SORBS2: variants seen among roughly 807,000 people sequenced by gnomAD.
The protein encoded by SORBS2 is sorbin and SH3 domain containing 2.
A neutral mutation model predicts 97.7 loss-of-function variants in SORBS2; 46 were observed. The observed-to-expected ratio is 0.47, with a 90% CI of 0.37 to 0.60. The LOEUF (loss-of-function observed/expected upper bound fraction) is 0.60. Ranked by LOEUF, SORBS2 falls within the 20% of genes least tolerant of loss-of-function variation. The probability of loss-of-function intolerance (pLI) is 0.00; values close to 1 mark genes in which losing one functional copy is unlikely to be tolerated. For missense variants in SORBS2, 1,316 were observed against 1,282.3 expected (o/e 1.03, Z -0.40); for synonymous variants, 476 against 473.4 (o/e 1.01, Z -0.07).
intron 2 of SORBS2, among the ~76,000 whole-genome samples, chr4:185,712,815 G>A (rs1349738536): frequency 1.3e-5 from 2 of 152,148 alleles, no homozygotes; most frequent in Non-Finnish European, 2.9e-5. Flanking sequence ...AGTAAATGAG[G>A]CACCCCCCTC....
intron 1 of SORBS2, among the ~76,000 whole-genome samples, chr4:185,924,931 G>C (rs2099262860): frequency 6.6e-6 from 1 of 152,082 alleles, no homozygotes; most frequent in African/African-American, 2.4e-5. Flanking sequence ...CAAGAACCCT[G>C]GTGTTCCTCC....
At chr4:185,890,098 G>C (rs2099241697) in intron 1 of SORBS2, among the ~76,000 whole-genome samples, 2 of 152,148 alleles carry the variant, frequency 1.3e-5, no homozygotes, top group African/African-American at 4.8e-5. Context: ...TGTTGGCCAG[G>C]CTGGTCTTGA....
chr4:185,918,764 G>A (rs2099259543), intron 1 of SORBS2, among the ~76,000 whole-genome samples: 1 of 152,208 alleles, frequency 6.6e-6, no homozygotes, highest in African/African-American at 2.4e-5. Flanking sequence ...AACTCTCACT[G>A]AAGAAGTGTT....
intron 2 of SORBS2, among the ~76,000 whole-genome samples, chr4:185,731,334 A>T (rs1290745861): frequency 6.6e-6 from 1 of 152,152 alleles, no homozygotes; most frequent in Non-Finnish European, 1.5e-5. Context: ...TTGCCAAAAT[A>T]TTTATAAAAT....
intron 2 of SORBS2, among the ~76,000 whole-genome samples, chr4:185,706,972 G>T (rs970002421): frequency 6.6e-6 from 1 of 152,054 alleles, no homozygotes. Flanking sequence ...TCATAAACAC[G>T]TATGTACATG....
In SORBS2 at chr4:185,623,266, C is replaced by CTT; in HGVS notation, c.1862_1863insAA (p.Thr622ArgfsTer59). 1 of 1,614,152 alleles carries CTT rather than the reference C, an allele frequency of 6.2e-7. No homozygotes were observed. The highest frequency in any genetic ancestry group is 8.5e-7 in the Non-Finnish European group (1 of 1,180,038). On this transcript the variant is annotated frameshift_variant, in exon 7 of 15. Transcript: ENST00000418609. LOFTEE classifies it high-confidence loss of function. This position sits in a 1 kb window ranked among gnomAD's most constrained non-coding sequence, Gnocchi z 6.4. ...ATGCTTTACATTTTGCCTTTTCAGT[C>CTT]TGTTTCTTAGGAGCCGAATTTTTTT...
intron 1 of SORBS2, among the ~76,000 whole-genome samples, chr4:185,954,949 T>C (rs889570147): frequency 1.3e-5 from 2 of 152,088 alleles, no homozygotes; most frequent in African/African-American, 4.8e-5. Flanking sequence ...TAAAACTCCA[T>C]CTCAAAAACA....
At chr4:185,894,496 T>C (rs1479212845) in intron 1 of SORBS2, 2 of 152,176 alleles carry the variant, frequency 1.3e-5, no homozygotes, top group Admixed American at 1.3e-4. Flanking sequence ...AATCTCCAGT[T>C]CCTTTTAAGA....
chr4:185,896,454 C>G (rs1273396226), intron 1 of SORBS2, among the ~76,000 whole-genome samples: 1 of 152,080 alleles, frequency 6.6e-6, no homozygotes, highest in Admixed American at 6.5e-5. Flanking sequence ...TTTGTTGGTG[C>G]ACGCCTGTAA....
At chr4:185,857,299 A>G (rs903972207) in intron 1 of SORBS2, among the ~76,000 whole-genome samples, 6 of 152,224 alleles carry the variant, frequency 3.9e-5, no homozygotes, top group Admixed American at 3.3e-4. Flanking sequence ...TTTCATGGAC[A>G]CTTATCACTT....
intron 6 of SORBS2, 153 bp downstream of exon 18, chr4:185,626,679 T>C: frequency 1.3e-6 from 1 of 741,774 alleles, no homozygotes; most frequent in Non-Finnish European, 2.2e-6. Flanking sequence ...TCAGTCTGGG[T>C]GGGAAGAAGG....
chr4:185,694,711 C>CTTTTTTTT (rs1561960485), intron 2 of SORBS2, among the ~76,000 whole-genome samples: 1 of 133,472 alleles, frequency 7.5e-6, no homozygotes, highest in Non-Finnish European at 1.6e-5. Flanking sequence ...TCTTTCTTTT[C>CTTTTTTTT]TTTTCTTTTT....
chr4:185,820,457 G>A (rs1250560947), intron 1 of SORBS2, among the ~76,000 whole-genome samples: 1 of 152,182 alleles, frequency 6.6e-6, no homozygotes, highest in Non-Finnish European at 1.5e-5. Context: ...GAATCTAGTG[G>A]GGACTTTATC....
At chr4:185,625,813 C>T (rs185838274) in intron 6 of SORBS2, among the ~76,000 whole-genome samples, 65 of 152,340 alleles carry the variant, frequency 4.3e-4, no homozygotes, top group African/African-American at 1.3e-3. Context: ...CCAATCATCA[C>T]GACCAGAATA....
At chr4:185,786,122 A>G (rs2099055254) in intron 1 of SORBS2, among the ~76,000 whole-genome samples, 1 of 152,230 alleles carries the variant, frequency 6.6e-6, no homozygotes, top group Non-Finnish European at 1.5e-5. Context: ...TATTTCAGAT[A>G]GCTCACATTC....
At chr4:185,663,848 C>CTTTTTT (rs56177449) in intron 4 of SORBS2, among the ~76,000 whole-genome samples, 24 of 80,974 alleles carry the variant, frequency 3.0e-4, no homozygotes, top group East Asian at 3.7e-4. Flanking sequence ...TAGATTTATT[C>CTTTTTT]TTTTTTTTTT....
chr4:185,788,660 T>C (rs1369468957), intron 1 of SORBS2, among the ~76,000 whole-genome samples: 2 of 152,254 alleles, frequency 1.3e-5, no homozygotes, highest in African/African-American at 4.8e-5. Context: ...AATTATACCC[T>C]GTAATGAATC....
chr4:185,847,656 A>G (rs1246068281), intron 1 of SORBS2, among the ~76,000 whole-genome samples: 2 of 152,154 alleles, frequency 1.3e-5, no homozygotes, highest in Non-Finnish European at 2.9e-5. Flanking sequence ...TGTAGACGGC[A>G]GCAACGATTA....
chr4:185,901,264 C>T (rs530371807), intron 1 of SORBS2, among the ~76,000 whole-genome samples: 2 of 152,078 alleles, frequency 1.3e-5, no homozygotes, highest in African/African-American at 2.4e-5. Flanking sequence ...AGTGCAATGG[C>T]ACAATCTCGG....
Sources: allele counts gnomAD v4.1 joint callset (sites outside exome capture counted in the v4.1 genomes callset), GRCh38; gene constraint gnomAD v4.1.1; non-coding constraint Gnocchi (gnomAD v3.1); transcripts MANE v1.5; gene names NCBI Gene and HGNC (gene_info 2026-07-23, HGNC 2026-07-21).